Variants in TPM2 observed in about 807,000 individuals in gnomAD.
TPM2 encodes the protein tropomyosin beta chain.
A neutral mutation model predicts 41.0 loss-of-function variants in TPM2; 26 were observed. The observed-to-expected ratio is 0.63, with a 90% CI of 0.46 to 0.88. TPM2 has a LOEUF of 0.88. TPM2 is among the 40% of genes least tolerant of loss of function. The pLI is 0.00. For synonymous variants in TPM2, 143 were observed against 139.3 expected, an observed-to-expected ratio of 1.03 and a Z score of -0.19; for missense variants, 187 against 355.2, an observed-to-expected ratio of 0.53 and a Z score of 3.81.
Position 35,689,925 on chromosome 9 carries a change from T to G in TPM2, c.-108A>C. ...GCAGGCGAGGAGGACGGAGCGGGAC[T>G]GGGACGTCCCGGCCACGCGGGCGCC... On this transcript the variant is annotated 5_prime_UTR_variant, in exon 1 of 9. Transcript: ENST00000645482. 6.3e-7 allele frequency: 1 copy of G among 1,590,170 alleles called. No individual in the cohort carries two copies. The highest frequency in any genetic ancestry group is 1.7e-5 in the Admixed American group (1 of 59,290).
intron 6 of TPM2, 74 bp from the exon 7 acceptor site, chr9:35,684,624 C>T: frequency 1.2e-6 from 2 of 1,613,358 alleles, no homozygotes; most frequent in South Asian, 2.2e-5. Context: ...ACCCCGTAGG[C>T]TCCTGGTCAT....
At position 35,685,001 on chromosome 9, in the gene TPM2, G is replaced by A; in HGVS notation, c.564-194C>T. 4 of 1,614,144 alleles carry A rather than the reference G, an allele frequency of 2.5e-6. No individual in the cohort carries two copies. The Middle Eastern group carries it at 6.6e-4, about 266-fold the overall frequency. ...GAGAAAGAGCAGCCTGCGGTGCTGAGACGGAGGGAAGGTGAGCTGAGAGAA... is the reference window on the plus strand; with the variant it reads ...GAGAAAGAGCAGCCTGCGGTGCTGAAACGGAGGGAAGGTGAGCTGAGAGAA... On this transcript the variant is annotated intron_variant, in intron 5 of 8. Transcript: ENST00000645482. This position sits in a 1 kb window ranked among gnomAD's most constrained non-coding sequence, Gnocchi z 5.0.
chr9:35,688,599 G>A (rs1825073023), intron 2 of TPM2, among the ~76,000 whole-genome samples: 2 of 152,186 alleles, frequency 1.3e-5, no homozygotes, highest in African/African-American at 4.8e-5. Flanking sequence ...AGCTTAATGA[G>A]GGTAAATGAG....
chr9:35,684,616 C>A (rs1228214553), intron 6 of TPM2, 66 bp from the exon 7 acceptor site: 2 of 1,613,248 alleles, frequency 1.2e-6, no homozygotes, highest in African/African-American at 2.7e-5. Flanking sequence ...TCCATTGTAC[C>A]CCGTAGGCTC....
chr9:35,689,924 C>G lies in TPM2; in HGVS notation c.-107G>C, dbSNP rs967922042. On this transcript the variant is annotated 5_prime_UTR_variant, in exon 1 of 9. Transcript: ENST00000645482. ...GGCAGGCGAGGAGGACGGAGCGGGACTGGGACGTCCCGGCCACGCGGGCGC... is the reference window on the plus strand; with the variant it reads ...GGCAGGCGAGGAGGACGGAGCGGGAGTGGGACGTCCCGGCCACGCGGGCGC... 6.3e-7 allele frequency: 1 copy of G among 1,592,840 alleles called. No homozygotes were observed. The highest frequency in any genetic ancestry group is 1.3e-5 in the African/African-American group (1 of 74,488).
Position 35,684,801 on chromosome 9 carries a change from A to C in TPM2, c.570T>G (p.Cys190Trp). 6.2e-7 allele frequency: 1 copy of C among 1,603,650 alleles called. No homozygotes were observed. The highest frequency in any genetic ancestry group is 8.5e-7 in the Non-Finnish European group (1 of 1,177,172). ...EERAEVAESK[C>W]GDLEEELKIV... ...TTTTCAGCTCCTCCTCTAGGTCCCC[A>C]CATTTACTGCAGGGGGTGTGTGGCG... Residue 190 changes from cysteine (C) to tryptophan (W), a missense_variant, in exon 6 of 9, where the codon TGT becomes TGG. Cys to Trp is a radical substitution (Grantham distance 215). Coordinates refer to ENST00000645482, the MANE Select transcript of TPM2 (RefSeq NM_003289.4).
chr9:35,683,805 G>C (rs1246371746), intron 8 of TPM2, among the ~76,000 whole-genome samples: 1 of 152,180 alleles, frequency 6.6e-6, no homozygotes, highest in East Asian at 1.9e-4. Flanking sequence ...TAGATGTTCA[G>C]TCCAACAGCT....
chr9:35,687,185 A>G (rs1346159973), intron 2 of TPM2, among the ~76,000 whole-genome samples: 2 of 152,178 alleles, frequency 1.3e-5, no homozygotes, highest in Non-Finnish European at 2.9e-5. Flanking sequence ...TCATAAAACT[A>G]AACAGGTTCT....
chr9:35,688,431 A>C (rs954271328), intron 2 of TPM2, among the ~76,000 whole-genome samples: 3 of 152,158 alleles, frequency 2.0e-5, no homozygotes, highest in African/African-American at 7.2e-5. Flanking sequence ...CCATTCTCCT[A>C]CCTTAAGCTG....
downstream of TPM2, chr9:35,682,436 GT>G: frequency 7.8e-7 from 1 of 1,288,238 alleles, no homozygotes; most frequent in South Asian, 1.5e-5. Context: ...TCTTTAGAAG[GT>G]TTAAGGAAGT....
chr9:35,685,636 C>T lies in TPM2; in HGVS notation c.374+11G>A. The T allele has an allele frequency of 6.2e-7, 1 of 1,614,176 alleles. No homozygotes were observed. Among genetic ancestry groups the T allele is most frequent in the Non-Finnish European group, 8.5e-7 (1 of 1,180,032 alleles). Reference sequence around the variant, plus strand: ...CCCTCCCGGACCATCCTCCCCGAGGCCCCTGACCACCTCTCGCTCTCATCA... The same window carrying T: ...CCCTCCCGGACCATCCTCCCCGAGGTCCCTGACCACCTCTCGCTCTCATCA... On this transcript the variant is annotated intron_variant, in intron 3 of 8. Coordinates refer to ENST00000645482, the MANE Select transcript of TPM2 (RefSeq NM_003289.4). This position sits in a 1 kb window ranked among gnomAD's most constrained non-coding sequence, Gnocchi z 5.0.
chr9:35,684,753 G>T lies in TPM2; in HGVS notation c.618C>A (p.Ser206=), dbSNP rs370079073. The part of the protein sequence containing the change: ...ELKIVTNNLK[S]LEAQADKYST... ...CTACCTTGTCCGCCTGGGCCTCCAG[G>T]GATTTCAAGTTGTTGGTAACAATTT... The change falls in exon 6 of 9, where the codon TCC becomes TCA. Residue 206 remains serine (S), a synonymous_variant. Coordinates refer to ENST00000645482, the MANE Select transcript of TPM2 (RefSeq NM_003289.4). The T allele has an allele frequency of 9.9e-6, 16 of 1,614,030 alleles. No homozygotes were observed. In the South Asian group the frequency reaches 1.8e-4, roughly 18 times the overall value.
chr9:35,687,669 T>G (rs532517309), intron 2 of TPM2, among the ~76,000 whole-genome samples: 21 of 151,840 alleles, frequency 1.4e-4, no homozygotes, highest in Admixed American at 4.6e-4. Context: ...GGAAGCATTC[T>G]GGGGACAGCA....
intron 6 of TPM2, 77 bp downstream of exon 6, chr9:35,684,655 A>G (rs1205986185): frequency 6.2e-7 from 1 of 1,613,044 alleles, no homozygotes; most frequent in Non-Finnish European, 8.5e-7. Flanking sequence ...TTGAACACCC[A>G]GCCCCTCCCT....
chr9:35,682,024 A>G, downstream of TPM2: 1 of 1,573,632 alleles, frequency 6.4e-7, no homozygotes, highest in Non-Finnish European at 8.7e-7. Context: ...GGCTAGTAAC[A>G]TCAGTTTTAT....
In TPM2 at chr9:35,685,280, C is replaced by A; in HGVS notation, c.552G>T (p.Glu184Asp). 1 of 1,614,234 alleles carries A rather than the reference C, an allele frequency of 6.2e-7. No homozygotes were observed. Among genetic ancestry groups the A allele is most frequent in the Non-Finnish European group, 8.5e-7 (1 of 1,180,042 alleles). ...GELERSEERAEVAESKCGDLE... is the reference protein window; with the variant it reads ...GELERSEERADVAESKCGDLE... ...CCGGGTATCTTTACCTCTCGGCCAC[C>A]TCAGCCCTCTCCTCCGAGCGCTCCA... The change falls in exon 5 of 9, where the codon GAG becomes GAT. Residue 184 changes from glutamate (E) to aspartate (D), a missense_variant. Coordinates refer to ENST00000645482, the MANE Select transcript of TPM2 (RefSeq NM_003289.4). The surrounding 1 kb of genome is among the most constrained non-coding windows in gnomAD (Gnocchi z 5.0).
chr9:35,690,019 AGG>A, upstream of TPM2: 1 of 1,405,098 alleles, frequency 7.1e-7, no homozygotes, highest in Non-Finnish European at 9.3e-7. Flanking sequence ...CAAACCTTGT[AGG>A]GGCAGAAGCA....
At position 35,689,129 on chromosome 9, in the gene TPM2, C is replaced by T. The variant is rs1825106643; in HGVS notation, c.240+17G>A. 2.5e-6 allele frequency: 4 copies of T among 1,614,168 alleles called. No homozygotes were observed. Among genetic ancestry groups the T allele is most frequent in the East Asian group, 4.5e-5 (2 of 44,880 alleles). ...AGAGCCCTAACTCCTCCCATTGTCC[C>T]CCAAGTCCACACTCACATCAGTGGC... On this transcript the variant is annotated intron_variant, in intron 2 of 8. Coordinates refer to ENST00000645482, the MANE Select transcript of TPM2 (RefSeq NM_003289.4).
chr9:35,685,098 T>C lies in TPM2; in HGVS notation c.563+171A>G. 6.2e-7 allele frequency: 1 copy of C among 1,614,178 alleles called. No homozygotes were observed. Among genetic ancestry groups the C allele is most frequent in the Non-Finnish European group, 8.5e-7 (1 of 1,180,036 alleles). ...TGAGGCCATCAGGGACTTGAGGGCC[T>C]GGTCCATGGTTCGAAGTTCCTCCTC... On this transcript the variant is annotated intron_variant, in intron 5 of 8. Transcript: ENST00000645482. The surrounding 1 kb of genome is among the most constrained non-coding windows in gnomAD (Gnocchi z 5.0).
Sources: gnomAD v4.1 joint callset for allele counts (sites outside exome capture counted in the v4.1 genomes callset) on GRCh38, gnomAD v4.1.1 for gene constraint, Gnocchi (gnomAD v3.1) non-coding constraint, MANE v1.5 for transcripts, NCBI Gene and HGNC (gene_info 2026-07-23, HGNC 2026-07-21) for gene names.